Variants in NELL2 observed in about 807,000 individuals in gnomAD.
NELL2 encodes neural EGFL like 2.
Under a neutral mutation model 109.6 loss-of-function variants are expected in NELL2, and 41 were observed. The ratio of observed to expected loss-of-function variants is 0.37; its 90% CI spans 0.29 to 0.49. The LOEUF (loss-of-function observed/expected upper bound fraction) is 0.49. Among genes scored for constraint, NELL2 ranks in the 20% least tolerant of loss-of-function variants. The probability of loss-of-function intolerance (pLI) is 0.98; values close to 1 mark genes in which losing one functional copy is unlikely to be tolerated. For missense variants in NELL2, 900 were observed against 1,008.3 expected (o/e 0.89, Z 1.45); for synonymous variants, 355 against 344.7 (o/e 1.03, Z -0.33).
At chr12:44,856,773 CTCTG>C (rs1428166181) in intron 2 of NELL2, among the ~76,000 whole-genome samples, 2 of 152,118 alleles carry the variant, frequency 1.3e-5, no homozygotes, top group East Asian at 3.9e-4. Flanking sequence ...ATAATAAGAA[CTCTG>C]TCTTTTATTT....
At chr12:44,625,034 T>TATATA (rs1555187351) in intron 13 of NELL2, among the ~76,000 whole-genome samples, 43 of 116,120 alleles carry the variant, frequency 3.7e-4, no homozygotes, top group South Asian at 3.4e-3. Context: ...ATATATATAT[T>TATATA]TCTGAACAAG....
chr12:44,658,278 T>C (rs887935328), intron 13 of NELL2, among the ~76,000 whole-genome samples: 1 of 152,162 alleles, frequency 6.6e-6, no homozygotes, highest in Admixed American at 6.5e-5. Context: ...TGTGCAAAAA[T>C]CAAAAGCATT....
chr12:44,912,045 A>AG (rs1238041208), intron 1 of NELL2, among the ~76,000 whole-genome samples: 2 of 151,920 alleles, frequency 1.3e-5, no homozygotes, highest in Admixed American at 1.3e-4. Context: ...GTTGGAGCTC[A>AG]GGTTGAAGGT....
intron 13 of NELL2, 142 bp from the exon 14 acceptor site, chr12:44,611,112 T>C: frequency 1.3e-6 from 1 of 768,472 alleles, no homozygotes; most frequent in Non-Finnish European, 2.1e-6. Context: ...AGAGCTCAGA[T>C]TTTGAAGTAT....
intron 15 of NELL2, among the ~76,000 whole-genome samples, chr12:44,606,017 C>A (rs191313401): frequency 9.2e-5 from 14 of 152,226 alleles, no homozygotes; most frequent in Middle Eastern, 6.8e-3. Flanking sequence ...ATTTAGGGAG[C>A]TTCTGATTTA....
chr12:44,644,579 A>AGTATATATATATATATATATATATGTAT (rs1566076916), intron 13 of NELL2, among the ~76,000 whole-genome samples: 2 of 70,092 alleles, frequency 2.9e-5, no homozygotes, highest in Admixed American at 1.5e-4. Flanking sequence ...GACAAAGTAA[A>AGTATATATATATATATATATATATGTAT]GTATATATAT....
At chr12:44,746,126 C>G (rs1366428898) in intron 9 of NELL2, among the ~76,000 whole-genome samples, 3 of 152,028 alleles carry the variant, frequency 2.0e-5, no homozygotes, top group East Asian at 1.9e-4. Flanking sequence ...CAGAACAGAG[C>G]CCTCAGAAAT....
chr12:44,921,236 G>A (rs1945866083), intron 1 of NELL2, among the ~76,000 whole-genome samples: 1 of 152,094 alleles, frequency 6.6e-6, no homozygotes, highest in African/African-American at 2.4e-5. Context: ...CTAAACACTA[G>A]ATAGACTTGT....
chr12:44,636,769 T>G (rs1267720694), intron 13 of NELL2, among the ~76,000 whole-genome samples: 1 of 152,170 alleles, frequency 6.6e-6, no homozygotes, highest in East Asian at 1.9e-4. Flanking sequence ...CTCTGCCAGG[T>G]TTTGGTATCA....
chr12:44,550,544 A>AGCAT (rs1942999598), intron 15 of NELL2, among the ~76,000 whole-genome samples: 1 of 127,142 alleles, frequency 7.9e-6, no homozygotes, highest in Non-Finnish European at 1.7e-5. Flanking sequence ...ACTCCATCTC[A>AGCAT]ACATAAATAA....
chr12:44,832,839 C>A (rs1377483759), intron 2 of NELL2, among the ~76,000 whole-genome samples: 1 of 152,218 alleles, frequency 6.6e-6, no homozygotes, highest in Non-Finnish European at 1.5e-5. Flanking sequence ...AGGACTGTAG[C>A]TCTATGAAAA....
chr12:44,765,236 T>A (rs1298254124), intron 9 of NELL2, among the ~76,000 whole-genome samples: 1 of 152,252 alleles, frequency 6.6e-6, no homozygotes, highest in Non-Finnish European at 1.5e-5. Flanking sequence ...TTGTGCTATA[T>A]GGACTTCAAA....
Position 44,627,199 on chromosome 12 carries a change from A to G in NELL2, c.1445-16229T>C, listed in dbSNP as rs79401329. 1.5e-3 allele frequency among the ~76,000 whole-genome samples: 231 copies of G among 152,294 alleles called. 3 individuals are homozygous for G. The East Asian group carries it at 0.026, about 17-fold the overall frequency. ...CTTGTCAATCCAACCCAAATCCTGCATACATATTTGAGGCAGTATTTTGCT... is the reference window on the plus strand; with the variant it reads ...CTTGTCAATCCAACCCAAATCCTGCGTACATATTTGAGGCAGTATTTTGCT... On this transcript the variant is annotated intron_variant, in intron 13 of 19. Coordinates refer to ENST00000429094, the MANE Select transcript of NELL2 (RefSeq NM_001145108.2).
At chr12:44,677,581 T>C (rs1948360038) in intron 12 of NELL2, among the ~76,000 whole-genome samples, 1 of 152,102 alleles carries the variant, frequency 6.6e-6, no homozygotes, top group South Asian at 2.1e-4. Context: ...AACAATATCT[T>C]TATAAATGCA....
chr12:44,673,494 TTATTA>T (rs1409349403), intron 12 of NELL2, among the ~76,000 whole-genome samples: 1 of 152,176 alleles, frequency 6.6e-6, no homozygotes, highest in Non-Finnish European at 1.5e-5. Context: ...AGGTTTTGAC[TTATTA>T]TGACTTTCTA....
chr12:44,609,200 T>G (rs1163283692), intron 14 of NELL2, among the ~76,000 whole-genome samples: 4 of 152,026 alleles, frequency 2.6e-5, no homozygotes, highest in Non-Finnish European at 5.9e-5. Flanking sequence ...TCCATCTGCC[T>G]TGGCCCCCCA....
chr12:44,558,609 A>C (rs191647026), intron 15 of NELL2, among the ~76,000 whole-genome samples: 17 of 152,268 alleles, frequency 1.1e-4, no homozygotes, highest in Non-Finnish European at 1.9e-4. Context: ...GGAAGCTGTG[A>C]GGGACTGTGC....
At chr12:44,790,340 C>T (rs1592538245) in intron 3 of NELL2, among the ~76,000 whole-genome samples, 1 of 152,082 alleles carries the variant, frequency 6.6e-6, no homozygotes, top group Non-Finnish European at 1.5e-5. Flanking sequence ...TCAAACAAAA[C>T]AATTATCAGC....
chr12:44,867,893 TC>T (rs1945048562), intron 2 of NELL2, among the ~76,000 whole-genome samples: 1 of 151,764 alleles, frequency 6.6e-6, no homozygotes, highest in Non-Finnish European at 1.5e-5. Context: ...CCCGAGGCGG[TC>T]CAATCACTTG....
Sources: allele counts gnomAD v4.1 joint callset (sites outside exome capture counted in the v4.1 genomes callset), GRCh38; gene constraint gnomAD v4.1.1; transcripts MANE v1.5; gene names NCBI Gene and HGNC (gene_info 2026-07-23, HGNC 2026-07-21).